BBS9: variants seen among roughly 807,000 people sequenced by gnomAD.
BBS9 encodes the protein Bardet-Biedl syndrome 9.
BBS9 carries 89 observed loss-of-function variants against 117.7 expected under a neutral mutation model. That is an observed-to-expected ratio of 0.76 (90% CI 0.64 to 0.90). The LOEUF (loss-of-function observed/expected upper bound fraction) is 0.90. Among genes scored for constraint, BBS9 ranks in the 40% least tolerant of loss-of-function variants. The pLI, the probability that BBS9 is intolerant of heterozygous loss-of-function variation, is 0.00. For missense variants in BBS9, 982 were observed against 1,042.2 expected, an observed-to-expected ratio of 0.94 and a Z score of 0.80; for synonymous variants, 379 against 370.9, an observed-to-expected ratio of 1.02 and a Z score of -0.25.
rs544442037 is a variant in BBS9, at chr7:33,575,295, T to C, written c.2522-29570T>C. ...TGTCATGAAACAGTTCATCAGTATGTCTCTTAAAAGCCTTAAATAAATGTC... is the reference window on the plus strand; with the variant it reads ...TGTCATGAAACAGTTCATCAGTATGCCTCTTAAAAGCCTTAAATAAATGTC... On this transcript the variant is annotated intron_variant, in intron 21 of 22. Transcript: ENST00000242067. Among the ~76,000 whole-genome samples, 3 of 152,018 alleles carry C rather than the reference T, an allele frequency of 2.0e-5. No homozygotes were observed. In the East Asian group the frequency reaches 5.8e-4, roughly 29 times the overall value.
intron 1 of BBS9, among the ~76,000 whole-genome samples, chr7:33,144,977 T>G (rs1464057125): frequency 6.6e-6 from 1 of 152,234 alleles, no homozygotes; most frequent in African/African-American, 2.4e-5. Context: ...GTTCTAGTGC[T>G]GGTGGGCATG....
intron 19 of BBS9, among the ~76,000 whole-genome samples, chr7:33,482,332 T>C (rs60716275): frequency 0.1 from 15,271 of 152,180 alleles, 1,230 homozygotes; most frequent in African/African-American, 0.22. Flanking sequence ...CCATCACTGC[T>C]GCTCCTGTAT....
intron 5 of BBS9, among the ~76,000 whole-genome samples, chr7:33,201,044 G>A (rs1663463962): frequency 6.6e-6 from 1 of 152,066 alleles, no homozygotes; most frequent in Admixed American, 6.5e-5. Flanking sequence ...CTGTTTTATT[G>A]GGGACTCAAA....
rs1257007242 is a variant in BBS9, at chr7:33,314,298, C to G, written c.1017-22143C>G. On this transcript the variant is annotated intron_variant, in intron 9 of 22. Coordinates refer to ENST00000242067, the MANE Select transcript of BBS9 (RefSeq NM_198428.3). ...AAGCATTTGTTGCCTCGATCTTCCA[C>G]TTTAGAAAAATGAAGTTTCTCCTTT... 6 of 424,466 alleles carry G rather than the reference C, an allele frequency of 1.4e-5. No individual in the cohort carries two copies. The Admixed American group carries it at 1.6e-4, about 11-fold the overall frequency. The allele number at this position is 424,466 out of a possible 1,614,324, so 26.3% of individuals were successfully genotyped here.
At chr7:33,190,291 T>C (rs1783905873) in intron 5 of BBS9, among the ~76,000 whole-genome samples, 1 of 152,070 alleles carries the variant, frequency 6.6e-6, no homozygotes, top group African/African-American at 2.4e-5. Context: ...GGCTAACTTT[T>C]TGTATTTTTG....
intron 6 of BBS9, 71 bp downstream of exon 6, chr7:33,257,481 C>A: frequency 7.4e-7 from 1 of 1,346,604 alleles, no homozygotes; most frequent in Non-Finnish European, 1.1e-6. Context: ...TTTTTGTCCA[C>A]AAAGAGCTTC....
chr7:33,504,819 T>C (rs1845917382), intron 19 of BBS9, among the ~76,000 whole-genome samples: 1 of 152,176 alleles, frequency 6.6e-6, no homozygotes, highest in Non-Finnish European at 1.5e-5. Context: ...CTAAGTAGAT[T>C]TGGCATTGTA....
chr7:33,205,122 G>C (rs1365991391), intron 5 of BBS9, among the ~76,000 whole-genome samples: 1 of 152,142 alleles, frequency 6.6e-6, no homozygotes, highest in Non-Finnish European at 1.5e-5. Context: ...TAGAAATAAG[G>C]ATCAATCATT....
At chr7:33,464,186 T>C (rs2128939084) in intron 19 of BBS9, among the ~76,000 whole-genome samples, 1 of 152,216 alleles carries the variant, frequency 6.6e-6, no homozygotes, top group African/African-American at 2.4e-5. Flanking sequence ...ACATTAGCTT[T>C]ATTTAACTAA....
chr7:33,435,511 A>T (rs566826467), intron 19 of BBS9, among the ~76,000 whole-genome samples: 104 of 81,652 alleles, frequency 1.3e-3, no homozygotes, highest in South Asian at 2.4e-3. Flanking sequence ...GTGGAAGGTT[A>T]AGGCTAGACC....
chr7:33,140,280 T>C (rs1360372163), intron 1 of BBS9, among the ~76,000 whole-genome samples: 5 of 152,216 alleles, frequency 3.3e-5, no homozygotes, highest in Non-Finnish European at 7.3e-5. Flanking sequence ...TGCCTCGGCC[T>C]CCCAAAGTGC....
chr7:33,488,563 A>C (rs1843430138), intron 19 of BBS9, among the ~76,000 whole-genome samples: 1 of 152,180 alleles, frequency 6.6e-6, no homozygotes, highest in African/African-American at 2.4e-5. Context: ...CTGTTTCCTT[A>C]ACATTAAAAT....
intron 21 of BBS9, among the ~76,000 whole-genome samples, chr7:33,538,541 T>C (rs1357739789): frequency 6.7e-6 from 1 of 148,938 alleles, no homozygotes; most frequent in African/African-American, 2.4e-5. Flanking sequence ...CTACTTCCAA[T>C]TGGCCCATTT....
At chr7:33,473,701 A>G (rs141237302) in intron 19 of BBS9, among the ~76,000 whole-genome samples, 109 of 152,284 alleles carry the variant, frequency 7.2e-4, no homozygotes, top group African/African-American at 2.4e-3. Flanking sequence ...TACAGTTTCC[A>G]TAATATTTTC....
At chr7:33,166,953 G>A (rs544152777) in intron 4 of BBS9, among the ~76,000 whole-genome samples, 11 of 152,152 alleles carry the variant, frequency 7.2e-5, no homozygotes, top group South Asian at 2.1e-4. Flanking sequence ...AAAATCACCC[G>A]TCTTCTGTGT....
At chr7:33,174,475 A>T (rs1227379111) in intron 4 of BBS9, among the ~76,000 whole-genome samples, 1 of 152,212 alleles carries the variant, frequency 6.6e-6, no homozygotes, top group Non-Finnish European at 1.5e-5. Flanking sequence ...ATAGTAGAAG[A>T]TTTATAGACA....
chr7:33,214,191 C>T lies in BBS9; in HGVS notation c.442+36600C>T, dbSNP rs11970951. ...GGGATGGGCGATTCCCCTCTGGCTACGTCTGGTCCAGGTGCTCCCTCCTTG... is the reference window on the plus strand; with the variant it reads ...GGGATGGGCGATTCCCCTCTGGCTATGTCTGGTCCAGGTGCTCCCTCCTTG... On this transcript the variant is annotated intron_variant, in intron 5 of 22. Transcript: ENST00000242067. Among the ~76,000 whole-genome samples, 425 of 152,282 alleles carry T rather than the reference C, an allele frequency of 2.8e-3. 1 individual carries two copies. Among genetic ancestry groups the T allele is most frequent in the African/African-American group, 9.8e-3 (406 of 41,542 alleles).
At chr7:33,534,271 T>C in intron 21 of BBS9, 95 bp downstream of exon 21, 1 of 1,318,952 alleles carries the variant, frequency 7.6e-7, no homozygotes, top group Middle Eastern at 2.0e-4. Context: ...AATTTCATAT[T>C]AAAGTGATGA....
chr7:33,410,057 C>A (rs945930681), intron 19 of BBS9, among the ~76,000 whole-genome samples: 1 of 152,080 alleles, frequency 6.6e-6, no homozygotes, highest in African/African-American at 2.4e-5. Context: ...GTTATGGTTT[C>A]TTGGGTACTT....
Sources: allele counts gnomAD v4.1 joint callset (sites outside exome capture counted in the v4.1 genomes callset), GRCh38; gene constraint gnomAD v4.1.1; transcripts MANE v1.5; gene names NCBI Gene and HGNC (gene_info 2026-07-23, HGNC 2026-07-21).